The following SPATA7 variants were observed in gnomAD, a reference collection of about 807,000 sequenced individuals.
The protein encoded by SPATA7 is spermatogenesis associated 7.
In SPATA7, 43 loss-of-function variants were observed where a neutral mutation model predicts 51.8. The ratio of observed to expected loss-of-function variants is 0.83; its 90% CI spans 0.65 to 1.07. The LOEUF (loss-of-function observed/expected upper bound fraction) is 1.07, where lower values mean the gene tolerates loss of function less well. Ranked by LOEUF, SPATA7 falls within the 50% of genes least tolerant of loss-of-function variation. The pLI is 0.00. For synonymous variants in SPATA7, 230 were observed against 252.8 expected, an observed-to-expected ratio of 0.91 and a Z score of 0.86; for missense variants, 683 against 701.3, an observed-to-expected ratio of 0.97 and a Z score of 0.30.
At chr14:88,454,251 G>A (rs55904861) in intron 3 of SPATA7, among the ~76,000 whole-genome samples, 6 of 152,208 alleles carry the variant, frequency 3.9e-5, no homozygotes, top group Admixed American at 2.6e-4. Flanking sequence ...CCTGCGTTCC[G>A]TCACTTGTGG....
chr14:88,437,561 C>T lies in SPATA7; in HGVS notation c.1179C>T (p.Phe393=), dbSNP rs747253370. 7.8e-5 allele frequency: 126 copies of T among 1,610,236 alleles called. No individual in the cohort carries two copies. The highest frequency in any genetic ancestry group is 1.6e-4 in the Middle Eastern group (1 of 6,072). Residue 393 remains phenylalanine (F), a synonymous_variant, in exon 11 of 12, where the codon TTC becomes TTT. Coordinates refer to ENST00000393545, the MANE Select transcript of SPATA7 (RefSeq NM_018418.5). ...LFSNRFLERL[F]ERHIKQNKHL... Reference sequence around the variant, plus strand: ...TTTGTAGGTTTTTAGAACGACTGTTCGAGCGACATATAAAACAAAATAAAC... The same window carrying T: ...TTTGTAGGTTTTTAGAACGACTGTTTGAGCGACATATAAAACAAAATAAAC...
At chr14:88,416,631 T>C in intron 4 of SPATA7, 80 bp from the exon 5 acceptor site, 1 of 1,294,132 alleles carries the variant, frequency 7.7e-7, no homozygotes, top group Non-Finnish European at 1.1e-6. Flanking sequence ...AGAAAAATGT[T>C]CCATTTATTA....
In SPATA7 at chr14:88,469,717, T is replaced by C. The variant is rs1413515138; in HGVS notation, c.255-130T>C. On this transcript the variant is annotated intron_variant, in intron 4 of 4. Coordinates refer to the SPATA7 transcript ENST00000556406. This position sits in a 1 kb window ranked among gnomAD's most constrained non-coding sequence, Gnocchi z 4.3. ...AAGTCGTGGCCAGTACCTAAAGCTC[T>C]TCTCCCTTCCACCCTCCTGTTAAAG... The C allele has an allele frequency of 8.7e-6, 14 of 1,613,594 alleles. No individual in the cohort carries two copies. Among genetic ancestry groups the C allele is most frequent in the Non-Finnish European group, 1.2e-5 (14 of 1,179,510 alleles).
chr14:88,436,322 A>G (rs915396204), intron 10 of SPATA7, among the ~76,000 whole-genome samples: 5 of 152,096 alleles, frequency 3.3e-5, no homozygotes, highest in African/African-American at 1.2e-4. Context: ...TATTCTGGTT[A>G]TTAATTCCTT....
intron 5 of SPATA7, among the ~76,000 whole-genome samples, 179 bp from the exon 6 acceptor site, chr14:88,426,053 G>A (rs2076781698): frequency 6.6e-6 from 1 of 152,120 alleles, no homozygotes; most frequent in African/African-American, 2.4e-5. Context: ...GGAATTAAAT[G>A]TTAATATCTT....
Position 88,400,164 on chromosome 14 carries a change from A to G in SPATA7, c.238+3961A>G, listed in dbSNP as rs375857331. Among the ~76,000 whole-genome samples the G allele has an allele frequency of 7.2e-5, 11 of 152,350 alleles. No individual in the cohort carries two copies. The East Asian group carries it at 1.9e-3, about 27-fold the overall frequency. On this transcript the variant is annotated intron_variant, in intron 4 of 11. Coordinates refer to ENST00000393545, the MANE Select transcript of SPATA7 (RefSeq NM_018418.5). ...CAGAATGGAATAAAACTAATAATTA[A>G]TAGCTGTAAGAAAATGGGAAATTCA... is the stretch of plus-strand genomic sequence containing the variant.
chr14:88,396,163 A>AG lies in SPATA7; in HGVS notation c.199dup (p.Asp67GlyfsTer31). On this transcript the variant is annotated frameshift_variant, in exon 4 of 12. Transcript: ENST00000393545. LOFTEE classifies it high-confidence loss of function. ...ATTACCTTTCTCTTTCAGCTGCAGT[A>AG]GACTGCTCGGTTCCAGTAAGCGTGA... is the stretch of plus-strand genomic sequence containing the variant. 2 of 1,610,142 alleles carry AG rather than the reference A, an allele frequency of 1.2e-6. No individual in the cohort carries two copies. The highest frequency in any genetic ancestry group is 1.7e-6 in the Non-Finnish European group (2 of 1,177,482).
In SPATA7 at chr14:88,464,687, G is replaced by A. The variant is rs550821474; in HGVS notation, c.255-5160G>A. Among the ~76,000 whole-genome samples the A allele has an allele frequency of 9.9e-5, 15 of 152,150 alleles. No homozygotes were observed. The South Asian group carries it at 2.5e-3, about 25-fold the overall frequency. On this transcript the variant is annotated intron_variant, in intron 4 of 4. Transcript: ENST00000556406. ...GGAGGTTTCAGTAAGCCGAGATCGT[G>A]CCACTGCACTCCAGCCTGGGTGACA...
At chr14:88,404,930 T>C (rs1274165217) in intron 4 of SPATA7, among the ~76,000 whole-genome samples, 2 of 152,166 alleles carry the variant, frequency 1.3e-5, no homozygotes, top group Admixed American at 6.6e-5. Flanking sequence ...AGAGTTTACA[T>C]TGTAGTTGGA....
At chr14:88,459,737 G>T (rs867273301), downstream of SPATA7, among the ~76,000 whole-genome samples, 3 of 152,274 alleles carry the variant, frequency 2.0e-5, no homozygotes, top group Middle Eastern at 0.01. Flanking sequence ...ATTGTTATGT[G>T]TGAACTTGAT....
intron 3 of SPATA7, among the ~76,000 whole-genome samples, chr14:88,393,989 G>C (rs2075813527): frequency 6.6e-6 from 1 of 152,032 alleles, no homozygotes; most frequent in Admixed American, 6.6e-5. Context: ...ACACCGTTCA[G>C]GCCAAACCCT....
intron 3 of SPATA7, among the ~76,000 whole-genome samples, chr14:88,395,276 A>T (rs1220452962): frequency 6.6e-6 from 1 of 151,480 alleles, no homozygotes; most frequent in Non-Finnish European, 1.5e-5. Context: ...CCAATTTTTG[A>T]CTAATGTCTT....
chr14:88,431,490 T>G (rs1230841732), intron 9 of SPATA7, among the ~76,000 whole-genome samples: 1 of 152,192 alleles, frequency 6.6e-6, no homozygotes, highest in Non-Finnish European at 1.5e-5. Flanking sequence ...TTCTAGCTAT[T>G]TGAAACTATG....
chr14:88,449,254 A>G (rs1663382179), intron 3 of SPATA7, among the ~76,000 whole-genome samples: 1 of 152,128 alleles, frequency 6.6e-6, no homozygotes, highest in South Asian at 2.1e-4. Flanking sequence ...AGAGGTTCAG[A>G]TATTTTGATA....
intron 5 of SPATA7, among the ~76,000 whole-genome samples, chr14:88,421,483 C>T (rs2076640256): frequency 6.6e-6 from 1 of 152,048 alleles, no homozygotes. Context: ...TGCTGGGAGC[C>T]ATAGACCAGT....
In SPATA7 at chr14:88,460,479, C is replaced by A. The variant is rs1099700; in HGVS notation, c.255-9368C>A. ...TCATTTGATCTTCAATCACTGATAC[C>A]CTTTCTTCCAGTTGATCGAATCGGC... On this transcript the variant is annotated intron_variant, in intron 4 of 4. Coordinates refer to the SPATA7 transcript ENST00000556406. Among the ~76,000 whole-genome samples, 20 of 152,002 alleles carry A rather than the reference C, an allele frequency of 1.3e-4. No individual in the cohort carries two copies. The East Asian group carries it at 3.7e-3, about 28-fold the overall frequency.
At chr14:88,405,879 CT>C (rs1243878057) in intron 4 of SPATA7, among the ~76,000 whole-genome samples, 1 of 152,162 alleles carries the variant, frequency 6.6e-6, no homozygotes, top group East Asian at 1.9e-4. Flanking sequence ...ATTGCTTGCA[CT>C]TTTTGTTTTT....
downstream of SPATA7, among the ~76,000 whole-genome samples, chr14:88,458,861 TG>T (rs2140058646): frequency 6.6e-6 from 1 of 152,322 alleles, no homozygotes; most frequent in East Asian, 1.9e-4. Flanking sequence ...GGGCATTTAG[TG>T]CTATAAATTT....
chr14:88,456,217 A>G (rs2077283269), downstream of SPATA7, among the ~76,000 whole-genome samples: 1 of 152,186 alleles, frequency 6.6e-6, no homozygotes, highest in South Asian at 2.1e-4. Flanking sequence ...AGCATGTTTT[A>G]TAATCCTTTG....
Sources: allele counts gnomAD v4.1 joint callset (sites outside exome capture counted in the v4.1 genomes callset), GRCh38; gene constraint gnomAD v4.1.1; non-coding constraint Gnocchi (gnomAD v3.1); transcripts MANE v1.5; gene names NCBI Gene and HGNC (gene_info 2026-07-23, HGNC 2026-07-21).